CRB1: variants seen among roughly 807,000 people sequenced by gnomAD.
The protein encoded by CRB1 is crumbs cell polarity complex component 1.
In CRB1, 83 loss-of-function variants were observed where a neutral mutation model predicts 120.0. The ratio of observed to expected loss-of-function variants is 0.69; its 90% CI spans 0.58 to 0.83. The LOEUF (loss-of-function observed/expected upper bound fraction) is 0.83. CRB1 is among the 40% of genes least tolerant of loss of function. CRB1 has a pLI of 0.00. For missense variants in CRB1, 1,699 were observed against 1,687.6 expected (o/e 1.01, Z -0.12); for synonymous variants, 625 against 612.5 (o/e 1.02, Z -0.30).
intron 1 of CRB1, among the ~76,000 whole-genome samples, chr1:197,283,532 G>A (rs1655656715): frequency 6.6e-6 from 1 of 151,788 alleles, no homozygotes; most frequent in African/African-American, 2.4e-5. Flanking sequence ...TTAGAATAAT[G>A]TTCTCTAATT....
chr1:197,346,086 A>G (rs944258838), intron 3 of CRB1, among the ~76,000 whole-genome samples: 1 of 152,190 alleles, frequency 6.6e-6, no homozygotes, highest in Non-Finnish European at 1.5e-5. Flanking sequence ...TTTGATTCCA[A>G]TGGAAATGTA....
chr1:197,342,533 C>T (rs1384076401), intron 2 of CRB1, among the ~76,000 whole-genome samples: 1 of 152,078 alleles, frequency 6.6e-6, no homozygotes, highest in Non-Finnish European at 1.5e-5. Context: ...TTTGCTATTG[C>T]TTTGTGGCTT....
At chr1:197,291,418 A>G (rs1656174603) in intron 1 of CRB1, among the ~76,000 whole-genome samples, 1 of 151,778 alleles carries the variant, frequency 6.6e-6, no homozygotes, top group African/African-American at 2.4e-5. Context: ...TTCTAAGATT[A>G]GTTGGTTACA....
chr1:197,367,906 C>G (rs17618402), intron 5 of CRB1, among the ~76,000 whole-genome samples: 1 of 152,130 alleles, frequency 6.6e-6, no homozygotes, highest in Non-Finnish European at 1.5e-5. Context: ...ATAAACACCC[C>G]GATGAGAGCC....
At position 197,305,529 on chromosome 1, in the gene CRB1, TTA is replaced by T. The variant is rs1431503259; in HGVS notation, c.71-22886_71-22885del. Among the ~76,000 whole-genome samples the T allele has an allele frequency of 2.6e-5, 4 of 151,912 alleles. No homozygotes were observed. In the East Asian group the frequency reaches 7.7e-4, roughly 29 times the overall value. On this transcript the variant is annotated intron_variant, in intron 1 of 11. Transcript: ENST00000367400. ...TTGTATGAATATGAAAAAATATTATTTATATATACATATATATAGAGAGAGAA... is the reference window on the plus strand; with the variant it reads ...TTGTATGAATATGAAAAAATATTATTTATATACATATATATAGAGAGAGAA...
chr1:197,412,545 G>T (rs1361186279), intron 5 of CRB1, among the ~76,000 whole-genome samples: 2 of 152,134 alleles, frequency 1.3e-5, no homozygotes, highest in Non-Finnish European at 2.9e-5. Flanking sequence ...AGGGCTATTA[G>T]AAATGCCTCT....
chr1:197,253,427 T>G, the CRB1 span, among the ~76,000 whole-genome samples: 1 of 152,136 alleles, frequency 6.6e-6, no homozygotes, highest in Non-Finnish European at 1.5e-5. Flanking sequence ...TTTAACACAG[T>G]GTATCATTAT....
chr1:197,438,948 G>A (rs1452730091), intron 10 of CRB1: 1 of 354,866 alleles, frequency 2.8e-6, no homozygotes, highest in South Asian at 2.5e-5. Context: ...AAGTACTTCT[G>A]AATTCATGTC....
chr1:197,241,931 G>A, the CRB1 span, among the ~76,000 whole-genome samples: 3 of 152,018 alleles, frequency 2.0e-5, no homozygotes, highest in Non-Finnish European at 2.9e-5. Flanking sequence ...GTATTCCTAG[G>A]TATTTTATTC....
At position 197,356,697 on chromosome 1, in the gene CRB1, C is replaced by G. The variant is rs557562112; in HGVS notation, c.989-134C>G. The G allele has an allele frequency of 6.0e-6, 5 of 831,630 alleles. No individual in the cohort carries two copies. The Admixed American group carries it at 1.0e-4, about 17-fold the overall frequency. The allele number at this position is 831,630 out of a possible 1,614,324, so 51.5% of individuals were successfully genotyped here. On this transcript the variant is annotated intron_variant, in intron 4 of 11. Transcript: ENST00000367400. ...CTAAGCCTCCTCTTACCAGATTCCC[C>G]TTACCAGCTCCTTGAGGGCAGGCAC... is the stretch of plus-strand genomic sequence containing the variant.
At position 197,456,434 on chromosome 1, in the gene CRB1, G is replaced by C. The variant is rs546343415; in HGVS notation, c.4005+14142G>C. Among the ~76,000 whole-genome samples, 5 of 152,122 alleles carry C rather than the reference G, an allele frequency of 3.3e-5. No homozygotes were observed. In the East Asian group the frequency reaches 9.7e-4, roughly 29 times the overall value. On this transcript the variant is annotated intron_variant, in intron 11 of 11. Coordinates refer to ENST00000367400, the MANE Select transcript of CRB1 (RefSeq NM_201253.3). ...ATGTTTTTATTCATCCTGCCCCATA[G>C]TTACTGAAATTAAGATGAAAATGAT... is the stretch of plus-strand genomic sequence containing the variant.
chr1:197,383,424 G>A (rs1662057029), intron 5 of CRB1, among the ~76,000 whole-genome samples: 1 of 152,148 alleles, frequency 6.6e-6, no homozygotes, highest in African/African-American at 2.4e-5. Context: ...CTATGAATAA[G>A]TGTACCTGGA....
At chr1:197,323,523 C>T (rs979536236) in intron 1 of CRB1, among the ~76,000 whole-genome samples, 6 of 152,038 alleles carry the variant, frequency 3.9e-5, no homozygotes, top group African/African-American at 1.4e-4. Context: ...CATTCAAAAG[C>T]CTGTCCTTAT....
upstream of CRB1, among the ~76,000 whole-genome samples, chr1:197,265,424 T>C (rs541459770): frequency 2.6e-5 from 4 of 151,966 alleles, no homozygotes; most frequent in Non-Finnish European, 5.9e-5. Flanking sequence ...CATTTGTTCC[T>C]TCCCTCCCTC....
chr1:197,297,621 T>TA (rs1263337449), intron 1 of CRB1, among the ~76,000 whole-genome samples: 4 of 152,054 alleles, frequency 2.6e-5, no homozygotes, highest in Admixed American at 2.0e-4. Flanking sequence ...TGCTAGAGAT[T>TA]ACAACTTGGG....
chr1:197,288,110 A>G (rs1655940526), intron 1 of CRB1, among the ~76,000 whole-genome samples: 1 of 151,844 alleles, frequency 6.6e-6, no homozygotes, highest in Non-Finnish European at 1.5e-5. Flanking sequence ...GGAGTACCTG[A>G]GGGGAGAGCT....
chr1:197,211,239 A>T, the CRB1 span, among the ~76,000 whole-genome samples: 33,892 of 152,176 alleles, frequency 0.22, 4,238 homozygotes, highest in Middle Eastern at 0.29. Flanking sequence ...CACCAAATAA[A>T]CCACAGGTTG....
At chr1:197,417,976 G>T (rs1290838967) in intron 5 of CRB1, among the ~76,000 whole-genome samples, 3 of 145,246 alleles carry the variant, frequency 2.1e-5, no homozygotes, top group Non-Finnish European at 4.6e-5. Flanking sequence ...TTATTGCTTT[G>T]TTTTTTTTTT....
chr1:197,263,076 C>T, the CRB1 span, among the ~76,000 whole-genome samples: 1,441 of 152,258 alleles, frequency 9.5e-3, 25 homozygotes, highest in African/African-American at 0.033. Flanking sequence ...AATGGTATTT[C>T]TGTTTTAAGT....
Sources: allele counts gnomAD v4.1 joint callset (sites outside exome capture counted in the v4.1 genomes callset), GRCh38; gene constraint gnomAD v4.1.1; transcripts MANE v1.5; gene names NCBI Gene and HGNC (gene_info 2026-07-23, HGNC 2026-07-21).